Variants in CEP290 observed in about 807,000 individuals in gnomAD.
CEP290 encodes the protein centrosomal protein of 290 kDa.
A neutral mutation model predicts 344.9 loss-of-function variants in CEP290; 317 were observed. The ratio of observed to expected loss-of-function variants is 0.92; its 90% CI spans 0.84 to 1.01. The LOEUF (loss-of-function observed/expected upper bound fraction) is 1.01, where lower values mean the gene tolerates loss of function less well. CEP290 is among the 50% of genes least tolerant of loss of function. CEP290 has a pLI of 0.00. For synonymous variants in CEP290, 932 were observed against 895.8 expected, an observed-to-expected ratio of 1.04 and a Z score of -0.72; for missense variants, 2,754 against 2,761.4, an observed-to-expected ratio of 1.00 and a Z score of 0.06.
intron 6 of CEP290, among the ~76,000 whole-genome samples, chr12:88,135,384 C>A (rs2040299871): frequency 6.6e-6 from 1 of 152,092 alleles, no homozygotes; most frequent in Non-Finnish European, 1.5e-5. Context: ...TCAACTGATA[C>A]AGGTCTATAT....
intron 25 of CEP290, among the ~76,000 whole-genome samples, chr12:88,105,620 T>G (rs948324534): frequency 6.6e-6 from 1 of 152,228 alleles, no homozygotes; most frequent in African/African-American, 2.4e-5. Context: ...CATCAGCAGA[T>G]GCTAAAATCA....
intron 29 of CEP290, among the ~76,000 whole-genome samples, chr12:88,091,402 CAA>C (rs11318141): frequency 0.042 from 5,876 of 138,896 alleles, 169 homozygotes; most frequent in African/African-American, 0.091. Context: ...AATAAAATTA[CAA>C]AAAAAAAAAA....
At chr12:88,138,843 C>T (rs1040132198) in intron 5 of CEP290, among the ~76,000 whole-genome samples, 2 of 152,156 alleles carry the variant, frequency 1.3e-5, no homozygotes, top group African/African-American at 2.4e-5. Context: ...AACACCCTTT[C>T]GTCACTATTC....
chr12:88,094,672 A>AG (rs66713968), intron 27 of CEP290, among the ~76,000 whole-genome samples: 31 of 151,358 alleles, frequency 2.0e-4, no homozygotes, highest in African/African-American at 6.8e-4. Flanking sequence ...TCATTTTTTG[A>AG]GGGGGGGGGA....
rs1475118997 is a variant in CEP290, at chr12:88,058,885, C to T, written c.6781G>A (p.Ala2261Thr). ...AESRGPQLEG[A>T]DSKSWKSIVV... ...ATGGATTTCCAGCTCTTACTGTCAG[C>T]ACCTTCAAGCTGTGGACCTCTGCTT... Residue 2261 changes from alanine (A) to threonine (T), a missense_variant, in exon 49 of 54, where the codon GCT becomes ACT. Coordinates refer to ENST00000552810, the MANE Select transcript of CEP290 (RefSeq NM_025114.4). 1 of 1,613,808 alleles carries T rather than the reference C, an allele frequency of 6.2e-7. No individual in the cohort carries two copies. Among genetic ancestry groups the T allele is most frequent in the Non-Finnish European group, 8.5e-7 (1 of 1,179,894 alleles).
chr12:88,080,536 T>G, intron 37 of CEP290, 141 bp from the exon 38 acceptor site: 1 of 614,998 alleles, frequency 1.6e-6, no homozygotes, highest in Non-Finnish European at 2.7e-6. Context: ...TTCAAGTGAT[T>G]TTTTTGCCTC....
At chr12:88,102,715 A>G (rs762926577) in intron 26 of CEP290, 123 bp downstream of exon 26, 41 of 680,594 alleles carry the variant, frequency 6.0e-5, no homozygotes, top group Admixed American at 4.0e-4. Context: ...GGATAATTAT[A>G]TCTCTGTTAA....
At chr12:88,132,400 G>A (rs1236991460) in intron 6 of CEP290, among the ~76,000 whole-genome samples, 1 of 152,124 alleles carries the variant, frequency 6.6e-6, no homozygotes, top group Non-Finnish European at 1.5e-5. Flanking sequence ...GGAGACTGAA[G>A]GATATTATTG....
intron 27 of CEP290, 94 bp from the exon 28 acceptor site, chr12:88,094,069 C>T: frequency 1.1e-6 from 1 of 943,504 alleles, no homozygotes; most frequent in East Asian, 2.6e-5. Flanking sequence ...CATTATAGTT[C>T]CATGGAAAGC....
chr12:88,120,496 C>G (rs1171934037), intron 14 of CEP290, among the ~76,000 whole-genome samples: 1 of 152,012 alleles, frequency 6.6e-6, no homozygotes, highest in East Asian at 1.9e-4. Flanking sequence ...ATCCTAAAGG[C>G]AAAGTGACTC....
intron 21 of CEP290, 135 bp from the exon 22 acceptor site, chr12:88,111,486 G>C (rs1171098193): frequency 2.2e-6 from 2 of 929,758 alleles, no homozygotes; most frequent in Non-Finnish European, 1.5e-6. Flanking sequence ...GCCTAGGTAT[G>C]AGATTTAGAA....
intron 47 of CEP290, among the ~76,000 whole-genome samples, chr12:88,060,512 A>G (rs1458916023): frequency 1.3e-5 from 2 of 152,100 alleles, no homozygotes; most frequent in Non-Finnish European, 2.9e-5. Context: ...GTGAGTCAAG[A>G]TTGCACCACT....
At position 88,055,584 on chromosome 12, in the gene CEP290, C is replaced by G. The variant is rs1219694248; in HGVS notation, c.6952G>C (p.Glu2318Gln). Reference sequence around the variant, plus strand: ...AAAATTACGTTACTTACCTGTTGTTCAAGGTCTTCATTGTATTTGTTAACT... The same window carrying G: ...AAAATTACGTTACTTACCTGTTGTTGAAGGTCTTCATTGTATTTGTTAACT... The part of the protein sequence containing the change: ...QKVNKYNEDL[E>Q]QQIKILKHVP... Residue 2318 changes from glutamate to glutamine, a missense_variant, in exon 50 of 54, where the codon GAA becomes CAA. Physicochemically the swap from Glu to Gln is conservative, Grantham distance 29. Coordinates refer to ENST00000552810, the MANE Select transcript of CEP290 (RefSeq NM_025114.4). 1 of 1,575,372 alleles carries G rather than the reference C, an allele frequency of 6.3e-7. No individual in the cohort carries two copies. Among genetic ancestry groups the G allele is most frequent in the East Asian group, 2.3e-5 (1 of 44,104 alleles).
intron 6 of CEP290, among the ~76,000 whole-genome samples, chr12:88,134,068 C>G (rs1395249023): frequency 6.6e-6 from 1 of 152,130 alleles, no homozygotes; most frequent in African/African-American, 2.4e-5. Flanking sequence ...AAATCCTCAT[C>G]ATCTGTACAG....
At chr12:88,095,160 G>A (rs1041459276) in intron 27 of CEP290, among the ~76,000 whole-genome samples, 12 of 152,032 alleles carry the variant, frequency 7.9e-5, no homozygotes, top group Non-Finnish European at 1.3e-4. Context: ...ATATATAAAG[G>A]AGTCCTTCTC....
chr12:88,110,310 GAAACCCAGGGC>G (rs2038590810), intron 22 of CEP290, among the ~76,000 whole-genome samples: 1 of 152,154 alleles, frequency 6.6e-6, no homozygotes, highest in Non-Finnish European at 1.5e-5. Context: ...GCAAAACTGA[GAAACCCAGGGC>G]AGGTAGTATA....
chr12:88,114,304 A>G, intron 20 of CEP290, 116 bp downstream of exon 20: 1 of 792,842 alleles, frequency 1.3e-6, no homozygotes, highest in Non-Finnish European at 1.9e-6. Flanking sequence ...ACATACAGGG[A>G]AACAATGATT....
At chr12:88,135,052 T>C (rs1019972903) in intron 6 of CEP290, among the ~76,000 whole-genome samples, 23 of 152,172 alleles carry the variant, frequency 1.5e-4, no homozygotes, top group Non-Finnish European at 3.1e-4. Flanking sequence ...CTAAGTATCA[T>C]ATTATCACTA....
intron 27 of CEP290, among the ~76,000 whole-genome samples, chr12:88,096,055 T>A (rs2037403511): frequency 2.5e-5 from 1 of 40,490 alleles, no homozygotes; most frequent in Non-Finnish European, 1.0e-4. Context: ...AACAAATTTT[T>A]TTTTTTTTTT....
Sources: gnomAD v4.1 joint callset for allele counts (sites outside exome capture counted in the v4.1 genomes callset) on GRCh38, gnomAD v4.1.1 for gene constraint, MANE v1.5 for transcripts, NCBI Gene and HGNC (gene_info 2026-07-23, HGNC 2026-07-21) for gene names.